The following CNGB3 variants were observed in gnomAD, a reference collection of about 807,000 sequenced individuals.
The protein encoded by CNGB3 is cyclic nucleotide gated channel subunit beta 3.
CNGB3 carries 86 observed loss-of-function variants against 92.8 expected under a neutral mutation model. The ratio of observed to expected loss-of-function variants is 0.93; its 90% confidence interval spans 0.78 to 1.11. CNGB3 has a LOEUF of 1.11. CNGB3 is among the 50% of genes least tolerant of loss of function. The pLI, the probability that CNGB3 is intolerant of heterozygous loss-of-function variation, is 0.00. For synonymous variants in CNGB3, 333 were observed against 332.7 expected, an observed-to-expected ratio of 1.00 and a Z score of -0.01; for missense variants, 1,026 against 956.8, an observed-to-expected ratio of 1.07 and a Z score of -0.95.
At chr8:86,728,207 C>T (rs1239314698) in intron 2 of CNGB3, among the ~76,000 whole-genome samples, 4 of 152,030 alleles carry the variant, frequency 2.6e-5, no homozygotes, top group African/African-American at 9.7e-5. Flanking sequence ...CCTTGGGATA[C>T]AAAGGTCTCA....
At chr8:86,586,338 A>AT (rs1239129544) in intron 15 of CNGB3, among the ~76,000 whole-genome samples, 18 of 102,228 alleles carry the variant, frequency 1.8e-4, no homozygotes, top group Admixed American at 1.5e-3. Context: ...TTTTTTTTAA[A>AT]TTTTTTTTTA....
intron 15 of CNGB3, among the ~76,000 whole-genome samples, chr8:86,593,406 C>G (rs10111598): frequency 0.22 from 33,131 of 152,124 alleles, 5,423 homozygotes; most frequent in African/African-American, 0.47. Flanking sequence ...ACTAGCCTAA[C>G]TAAATGTTTC....
intron 14 of CNGB3, among the ~76,000 whole-genome samples, chr8:86,605,469 G>A (rs1822395415): frequency 2.0e-5 from 3 of 152,106 alleles, no homozygotes; most frequent in Non-Finnish European, 2.9e-5. Flanking sequence ...AAAAAAAATA[G>A]CATTAATACA....
intron 15 of CNGB3, among the ~76,000 whole-genome samples, chr8:86,584,514 A>T (rs1271092448): frequency 5.9e-5 from 9 of 152,128 alleles, no homozygotes; most frequent in East Asian, 1.9e-4. Context: ...TGGAAGAAAT[A>T]GTCTGTCTGC....
chr8:86,693,624 A>C (rs10088128), intron 3 of CNGB3, among the ~76,000 whole-genome samples: 2 of 149,344 alleles, frequency 1.3e-5, no homozygotes, highest in East Asian at 4.0e-4. Context: ...CTGGGTACTT[A>C]AGATTAGGGA....
intron 3 of CNGB3, among the ~76,000 whole-genome samples, chr8:86,693,185 CA>C (rs1375421799): frequency 6.6e-6 from 1 of 152,070 alleles, no homozygotes; most frequent in African/African-American, 2.4e-5. Context: ...TGAGTTTAGA[CA>C]ACCTGATGAC....
intron 3 of CNGB3, among the ~76,000 whole-genome samples, chr8:86,684,656 C>A (rs1472076191): frequency 2.1e-3 from 251 of 122,258 alleles, no homozygotes; most frequent in East Asian, 2.3e-3. Flanking sequence ...ATACTTAAGC[C>A]AAAAAAAAAA....
intron 11 of CNGB3, among the ~76,000 whole-genome samples, chr8:86,630,744 C>T (rs181001669): frequency 3.9e-5 from 6 of 152,116 alleles, no homozygotes; most frequent in East Asian, 3.9e-4. Flanking sequence ...CATGATGGCA[C>T]GCACCTGTAG....
At chr8:86,583,283 G>A (rs1030465275) in intron 15 of CNGB3, among the ~76,000 whole-genome samples, 2 of 152,182 alleles carry the variant, frequency 1.3e-5, no homozygotes, top group Non-Finnish European at 2.9e-5. Flanking sequence ...CTATGGATAA[G>A]TGAAATGAAA....
At chr8:86,708,698 G>C (rs1487345012) in intron 3 of CNGB3, among the ~76,000 whole-genome samples, 1 of 150,858 alleles carries the variant, frequency 6.6e-6, no homozygotes, top group African/African-American at 2.4e-5. Flanking sequence ...CCTCCTAGTA[G>C]TTGGGACTGC....
chr8:86,734,300 T>A (rs1242177312), intron 2 of CNGB3, among the ~76,000 whole-genome samples: 1 of 152,170 alleles, frequency 6.6e-6, no homozygotes, highest in Non-Finnish European at 1.5e-5. Flanking sequence ...GGGGCACCTC[T>A]GTAGATCTGG....
chr8:86,629,220 TA>T, intron 11 of CNGB3, 142 bp from the exon 12 acceptor site: 1 of 1,080,016 alleles, frequency 9.3e-7, no homozygotes, highest in Non-Finnish European at 1.4e-6. Context: ...TTATTTTATT[TA>T]TTCTTGCCCA....
At chr8:86,616,350 T>C (rs1299740203) in intron 13 of CNGB3, among the ~76,000 whole-genome samples, 2 of 152,210 alleles carry the variant, frequency 1.3e-5, no homozygotes, top group South Asian at 2.1e-4. Flanking sequence ...GGGGCAGCTT[T>C]GGTTTAGGAC....
chr8:86,709,388 A>G (rs187552869), intron 3 of CNGB3, among the ~76,000 whole-genome samples: 4 of 152,248 alleles, frequency 2.6e-5, no homozygotes, highest in Admixed American at 2.6e-4. Flanking sequence ...TTGTCTGTCA[A>G]TGTCTTACAA....
At chr8:86,624,854 T>C (rs1015985069) in intron 13 of CNGB3, among the ~76,000 whole-genome samples, 4 of 152,138 alleles carry the variant, frequency 2.6e-5, no homozygotes, top group East Asian at 1.9e-4. Flanking sequence ...GGTGATTAAA[T>C]CACAGGGGCG....
At chr8:86,700,573 A>ATGG (rs1465189639) in intron 3 of CNGB3, among the ~76,000 whole-genome samples, 1 of 152,172 alleles carries the variant, frequency 6.6e-6, no homozygotes, top group African/African-American at 2.4e-5. Flanking sequence ...TCGTCAGGTT[A>ATGG]TGGTGTGAAT....
At chr8:86,585,372 T>G (rs1821872422) in intron 15 of CNGB3, among the ~76,000 whole-genome samples, 1 of 152,132 alleles carries the variant, frequency 6.6e-6, no homozygotes, top group African/African-American at 2.4e-5. Context: ...AGATAGTCCC[T>G]GGTCAGTCAT....
rs188787381 is a variant in CNGB3 at position 86,575,425 on chromosome 8, A to C, written c.*379T>G. 1.3e-3 allele frequency: 222 copies of C among 172,758 alleles called. 1 individual carries two copies. The highest frequency in any genetic ancestry group is 1.6e-3 in the Non-Finnish European group (134 of 81,902). The allele number at this position is 172,758 out of a possible 1,614,324, so 10.7% of individuals were successfully genotyped here. A position where few individuals can be genotyped will look rare whatever the true frequency, so the allele number is the denominator to read the frequency against. ...CAATTAGCCAGGCTTTAGAGTGCCAAAGAAGAAATTAAACACAATAAAAAT... is the reference window on the plus strand; with the variant it reads ...CAATTAGCCAGGCTTTAGAGTGCCACAGAAGAAATTAAACACAATAAAAAT... On this transcript the variant is annotated 3_prime_UTR_variant, in exon 18 of 18. Coordinates refer to ENST00000320005, the MANE Select transcript of CNGB3 (RefSeq NM_019098.5).
At chr8:86,721,777 G>T (rs1029961202) in intron 3 of CNGB3, among the ~76,000 whole-genome samples, 12 of 152,010 alleles carry the variant, frequency 7.9e-5, no homozygotes, top group African/African-American at 2.4e-4. Context: ...TTTTATTTTT[G>T]TAAACTTGAT....
Sources: gnomAD v4.1 joint callset for allele counts (sites outside exome capture counted in the v4.1 genomes callset) on GRCh38, gnomAD v4.1.1 for gene constraint, MANE v1.5 for transcripts, NCBI Gene and HGNC (gene_info 2026-07-23, HGNC 2026-07-21) for gene names.